Variants in EYA2 observed in about 807,000 individuals in gnomAD.
The protein encoded by EYA2 is EYA transcriptional coactivator and phosphatase 2, also known as protein phosphatase EYA2.
A neutral mutation model predicts 69.2 loss-of-function variants in EYA2; 31 were observed. That is an observed-to-expected ratio of 0.45 (90% confidence interval 0.34 to 0.60). The LOEUF (loss-of-function observed/expected upper bound fraction) is 0.60. Ranked by LOEUF, EYA2 falls within the 20% of genes least tolerant of loss-of-function variation. EYA2 has a pLI of 0.02. For synonymous variants in EYA2, 257 were observed against 279.4 expected (o/e 0.92, Z 0.80); for missense variants, 622 against 701.2 (o/e 0.89, Z 1.28).
intron 10 of EYA2, among the ~76,000 whole-genome samples, chr20:47,145,043 C>T (rs1409783449): frequency 2.0e-5 from 3 of 152,168 alleles, no homozygotes; most frequent in Non-Finnish European, 2.9e-5. Flanking sequence ...TTCATTCTTG[C>T]TTATTGCCCC....
At chr20:46,956,213 C>T (rs1160456605) in intron 1 of EYA2, among the ~76,000 whole-genome samples, 1 of 152,244 alleles carries the variant, frequency 6.6e-6, no homozygotes, top group Non-Finnish European at 1.5e-5. Flanking sequence ...ACCTGCTTAG[C>T]ATCTGATTTT....
intron 12 of EYA2, among the ~76,000 whole-genome samples, chr20:47,178,074 T>C (rs551805911): frequency 2.6e-5 from 4 of 152,326 alleles, no homozygotes; most frequent in African/African-American, 4.8e-5. Flanking sequence ...TTCACACCTG[T>C]AATTCCAGCA....
At chr20:47,102,223 T>A (rs2032442631) in intron 9 of EYA2, among the ~76,000 whole-genome samples, 1 of 152,226 alleles carries the variant, frequency 6.6e-6, no homozygotes, top group African/African-American at 2.4e-5. Context: ...TTAATGCCAA[T>A]GTCCCAAACT....
chr20:47,161,768 G>C (rs896664949), intron 10 of EYA2: 2 of 169,130 alleles, frequency 1.2e-5, no homozygotes, highest in African/African-American at 4.8e-5. Context: ...ATCATTGTCT[G>C]ATGCGGTGCC....
At chr20:47,175,373 G>C (rs2034406553) in intron 12 of EYA2, among the ~76,000 whole-genome samples, 1 of 152,206 alleles carries the variant, frequency 6.6e-6, no homozygotes, top group African/African-American at 2.4e-5. Context: ...TTAGCCTGAT[G>C]TCATCCTTCC....
intron 5 of EYA2, among the ~76,000 whole-genome samples, chr20:47,057,767 A>G (rs1362087756): frequency 1.3e-5 from 2 of 152,142 alleles, no homozygotes; most frequent in Non-Finnish European, 2.9e-5. Context: ...TGTCAGATCC[A>G]TGGGTGACCA....
chr20:47,109,932 C>T (rs1010977101), intron 9 of EYA2, among the ~76,000 whole-genome samples: 2 of 152,112 alleles, frequency 1.3e-5, no homozygotes, highest in African/African-American at 4.8e-5. Flanking sequence ...TGGCTGGGGG[C>T]CTGCATCTGA....
chr20:47,165,079 A>G (rs1264567184), intron 10 of EYA2, among the ~76,000 whole-genome samples: 1 of 152,204 alleles, frequency 6.6e-6, no homozygotes, highest in Non-Finnish European at 1.5e-5. Flanking sequence ...GAGCACTTGA[A>G]GTAGGACTAA....
At chr20:47,164,347 C>T (rs2034137006) in intron 10 of EYA2, among the ~76,000 whole-genome samples, 2 of 152,330 alleles carry the variant, frequency 1.3e-5, no homozygotes, top group East Asian at 1.9e-4. Flanking sequence ...AATCCCCTTA[C>T]AAATGAGAAA....
intron 1 of EYA2, among the ~76,000 whole-genome samples, chr20:46,987,383 A>G (rs2146322886): frequency 6.6e-6 from 1 of 152,294 alleles, no homozygotes; most frequent in Admixed American, 6.5e-5. Flanking sequence ...TCACACAAAA[A>G]CAGCTGTGGG....
chr20:46,899,189 A>G (rs552160713), intron 1 of EYA2, among the ~76,000 whole-genome samples: 2 of 152,242 alleles, frequency 1.3e-5, no homozygotes, highest in Admixed American at 6.5e-5. Flanking sequence ...TCTGCAAAGT[A>G]TGCCTTATCC....
At chr20:47,180,653 A>G (rs1197651318) in intron 13 of EYA2, among the ~76,000 whole-genome samples, 162 bp from the exon 14 acceptor site, 1 of 152,230 alleles carries the variant, frequency 6.6e-6, no homozygotes, top group East Asian at 1.9e-4. Context: ...GGCTTAAAAG[A>G]GAGGAACAGC....
intron 13 of EYA2, among the ~76,000 whole-genome samples, 195 bp downstream of exon 13, chr20:47,180,107 A>G (rs1175614308): frequency 6.6e-6 from 1 of 151,836 alleles, no homozygotes; most frequent in African/African-American, 2.4e-5. Context: ...ATCTCGGCTC[A>G]TCACAACCTC....
At chr20:46,929,435 A>G (rs1985568510) in intron 1 of EYA2, among the ~76,000 whole-genome samples, 1 of 151,342 alleles carries the variant, frequency 6.6e-6, no homozygotes, top group Admixed American at 6.6e-5. Flanking sequence ...TTTTGAGGAA[A>G]TTTGTGTTCT....
Position 47,065,327 on chromosome 20 carries a change from G to A in EYA2, c.416-6858G>A, listed in dbSNP as rs754275002. ...ACAAGGGCTTCTTCCCCCATTTAGC[G>A]TAAAATAAAAATGAATCACCAGAAT... is the stretch of plus-strand genomic sequence containing the variant. On this transcript the variant is annotated intron_variant, in intron 5 of 15. Coordinates refer to ENST00000327619, the MANE Select transcript of EYA2 (RefSeq NM_005244.5). Among the ~76,000 whole-genome samples the A allele has an allele frequency of 1.3e-4, 20 of 152,146 alleles. 1 individual carries two copies. The highest frequency in any genetic ancestry group is 2.2e-4 in the Non-Finnish European group (15 of 68,030).
intron 4 of EYA2, among the ~76,000 whole-genome samples, chr20:47,012,914 C>T (rs1181721874): frequency 2.0e-5 from 3 of 152,218 alleles, no homozygotes; most frequent in East Asian, 3.8e-4. Context: ...CTGACTTTCT[C>T]ATTCTGAACT....
intron 5 of EYA2, among the ~76,000 whole-genome samples, chr20:47,068,812 G>T (rs572830215): frequency 1.3e-5 from 2 of 152,038 alleles, no homozygotes; most frequent in African/African-American, 4.8e-5. Flanking sequence ...GTTCATTTTA[G>T]CCACTTTATA....
chr20:47,150,708 C>T (rs540720052), intron 10 of EYA2, among the ~76,000 whole-genome samples: 2 of 152,110 alleles, frequency 1.3e-5, no homozygotes, highest in African/African-American at 4.8e-5. Context: ...CTCAAGGAAT[C>T]CTCCTGCCTT....
chr20:46,990,148 A>G (rs1377311778), intron 2 of EYA2, 29 bp downstream of exon 2: 1 of 1,298,946 alleles, frequency 7.7e-7, no homozygotes, highest in Non-Finnish European at 1.1e-6. Context: ...GTTTGGGTCA[A>G]CAGGTGTGGT....
Sources: gnomAD v4.1 joint callset for allele counts (sites outside exome capture counted in the v4.1 genomes callset) on GRCh38, gnomAD v4.1.1 for gene constraint, MANE v1.5 for transcripts, NCBI Gene and HGNC (gene_info 2026-07-23, HGNC 2026-07-21) for gene names.